The following PDGFD variants were observed in gnomAD, a reference collection of about 807,000 sequenced individuals.
The protein encoded by PDGFD is platelet derived growth factor D, also known as platelet-derived growth factor D.
PDGFD carries 30 observed loss-of-function variants against 44.7 expected under a neutral mutation model. The ratio of observed to expected loss-of-function variants is 0.67; its 90% CI spans 0.50 to 0.91. PDGFD has a LOEUF of 0.91. PDGFD is among the 40% of genes least tolerant of loss of function. The pLI, the probability that PDGFD is intolerant of heterozygous loss-of-function variation, is 0.00. For synonymous variants in PDGFD, 173 were observed against 168.4 expected (o/e 1.03, Z -0.21); for missense variants, 445 against 457.8 (o/e 0.97, Z 0.25).
chr11:104,117,947 T>C (rs3102163), intron 1 of PDGFD, among the ~76,000 whole-genome samples: 98,538 of 151,752 alleles, frequency 0.65, 32,600 homozygotes, highest in African/African-American at 0.79. Context: ...GCAAAGAGAA[T>C]ATTTTTAGTT....
At chr11:104,120,428 T>C (rs897522945) in intron 1 of PDGFD, among the ~76,000 whole-genome samples, 5 of 151,964 alleles carry the variant, frequency 3.3e-5, no homozygotes, top group Non-Finnish European at 5.9e-5. Flanking sequence ...TTGTCATTCC[T>C]AGTTTAAAAA....
At chr11:104,065,148 A>T (rs1373193587) in intron 1 of PDGFD, among the ~76,000 whole-genome samples, 1 of 152,180 alleles carries the variant, frequency 6.6e-6, no homozygotes, top group East Asian at 1.9e-4. Context: ...ATCAGACTCC[A>T]AGTTCTTCAG....
chr11:104,002,116 A>T (rs1859628776), intron 1 of PDGFD, among the ~76,000 whole-genome samples: 1 of 152,124 alleles, frequency 6.6e-6, no homozygotes, highest in South Asian at 2.1e-4. Context: ...CAAGCAGACA[A>T]CTTCCTAGGA....
chr11:104,123,581 C>A (rs1861806177), intron 1 of PDGFD, among the ~76,000 whole-genome samples: 1 of 151,900 alleles, frequency 6.6e-6, no homozygotes, highest in Admixed American at 6.6e-5. Flanking sequence ...TCAATAATAT[C>A]CTGAAGCCAT....
chr11:103,962,111 CA>C (rs1272524745), intron 3 of PDGFD, among the ~76,000 whole-genome samples: 1 of 152,110 alleles, frequency 6.6e-6, no homozygotes, highest in African/African-American at 2.4e-5. Flanking sequence ...AAATTGAAGA[CA>C]AGGAATTCGG....
intron 1 of PDGFD, among the ~76,000 whole-genome samples, chr11:104,046,425 A>C (rs931919767): frequency 4.7e-5 from 7 of 147,882 alleles, no homozygotes; most frequent in African/African-American, 1.7e-4. Flanking sequence ...TTAGAATAAA[A>C]CAGAAACAAT....
At chr11:104,110,337 A>T (rs1038001470) in intron 1 of PDGFD, among the ~76,000 whole-genome samples, 7 of 150,216 alleles carry the variant, frequency 4.7e-5, no homozygotes, top group East Asian at 1.9e-4. Flanking sequence ...ATTGAGATTT[A>T]AAAAAAAAAT....
intron 1 of PDGFD, among the ~76,000 whole-genome samples, chr11:104,061,229 A>G (rs545893099): frequency 2.7e-4 from 41 of 152,288 alleles, no homozygotes; most frequent in Non-Finnish European, 4.3e-4. Flanking sequence ...ACACTAAGTA[A>G]GAAAATAATT....
At chr11:103,966,992 C>T (rs1859030249) in intron 3 of PDGFD, among the ~76,000 whole-genome samples, 1 of 152,178 alleles carries the variant, frequency 6.6e-6, no homozygotes, top group Non-Finnish European at 1.5e-5. Context: ...GGCGGGGTGC[C>T]TCTCTTCTGG....
At chr11:104,037,927 T>C in intron 1 of PDGFD, 1 of 1,614,180 alleles carries the variant, frequency 6.2e-7, no homozygotes, top group Non-Finnish European at 8.5e-7. Flanking sequence ...GTTGCCCTTA[T>C]GCTCTAGGAT....
intron 2 of PDGFD, among the ~76,000 whole-genome samples, chr11:103,997,069 T>C (rs1293888354): frequency 1.3e-5 from 2 of 152,208 alleles, no homozygotes; most frequent in Non-Finnish European, 2.9e-5. Context: ...CTCAGTAACA[T>C]AGTTTACATC....
intron 1 of PDGFD, among the ~76,000 whole-genome samples, chr11:104,093,569 A>G (rs1861241570): frequency 6.6e-6 from 1 of 152,036 alleles, no homozygotes. Context: ...TCAAATGTGT[A>G]CACTTCCCAC....
intron 1 of PDGFD, among the ~76,000 whole-genome samples, chr11:104,139,127 T>A (rs938058177): frequency 6.7e-6 from 1 of 150,232 alleles, no homozygotes; most frequent in Non-Finnish European, 1.5e-5. Context: ...TACACACACA[T>A]CTTCCCATTT....
chr11:104,142,284 C>T (rs1043593373), intron 1 of PDGFD, among the ~76,000 whole-genome samples: 1 of 151,824 alleles, frequency 6.6e-6, no homozygotes, highest in African/African-American at 2.4e-5. Flanking sequence ...TATACATATA[C>T]ACACACAAAC....
In PDGFD at chr11:104,000,244, G is replaced by C; in HGVS notation, c.136C>G (p.Leu46Val). The C allele has an allele frequency of 6.2e-7, 1 of 1,613,816 alleles. No homozygotes were observed. The highest frequency in any genetic ancestry group is 8.5e-7 in the Non-Finnish European group (1 of 1,179,820). The change falls in exon 2 of 7, where the codon CTC becomes GTC. Residue 46 changes from leucine (L) to valine (V), a missense_variant. Leu to Val is a conservative substitution (Grantham distance 32). Transcript: ENST00000393158. Reference protein sequence around the residue: ...ANLRRDESNHLTDLYRRDETI... With the variant: ...ANLRRDESNHVTDLYRRDETI... The stretch of plus-strand genomic sequence containing the variant: ...TCATCTCTTCGGTACAAGTCTGTGA[G>C]GTGATTGCTCTCTGTTAGTAGTCAC...
At chr11:103,997,234 G>T (rs1859546891) in intron 2 of PDGFD, among the ~76,000 whole-genome samples, 1 of 152,148 alleles carries the variant, frequency 6.6e-6, no homozygotes, top group Non-Finnish European at 1.5e-5. Flanking sequence ...ACAGGCAAAT[G>T]ATGGGCATTC....
At chr11:103,986,974 C>T (rs373315705) in intron 3 of PDGFD, among the ~76,000 whole-genome samples, 2 of 152,068 alleles carry the variant, frequency 1.3e-5, no homozygotes, top group Non-Finnish European at 2.9e-5. Context: ...CCTCGTGGTC[C>T]GCAACCAGGA....
chr11:104,072,717 T>C (rs899835521), intron 1 of PDGFD, among the ~76,000 whole-genome samples: 2 of 152,000 alleles, frequency 1.3e-5, no homozygotes, highest in South Asian at 2.1e-4. Flanking sequence ...GTAGTGTACA[T>C]ATATTTTATA....
intron 1 of PDGFD, among the ~76,000 whole-genome samples, chr11:104,151,909 G>A (rs1862251212): frequency 6.6e-6 from 1 of 151,902 alleles, no homozygotes. Context: ...CATCAAGACG[G>A]AATCTCGAAG....
Sources: gnomAD v4.1 joint callset for allele counts (sites outside exome capture counted in the v4.1 genomes callset) on GRCh38, gnomAD v4.1.1 for gene constraint, MANE v1.5 for transcripts, NCBI Gene and HGNC (gene_info 2026-07-23, HGNC 2026-07-21) for gene names.